ADRA1B: variants seen among roughly 807,000 people sequenced by gnomAD.
ADRA1B encodes the protein adrenoceptor alpha 1B.
In ADRA1B, 17 loss-of-function variants were observed where a neutral mutation model predicts 17.9. The observed-to-expected ratio is 0.95, with a 90% CI of 0.65 to 1.42. The LOEUF (loss-of-function observed/expected upper bound fraction) is 1.42, where lower values mean the gene tolerates loss of function less well. Among genes scored for constraint, ADRA1B ranks in the 40% most tolerant of loss-of-function variants. The pLI is 0.00. For missense variants in ADRA1B, 681 were observed against 722.1 expected, an observed-to-expected ratio of 0.94 and a Z score of 0.65; for synonymous variants, 366 against 327.6, an observed-to-expected ratio of 1.12 and a Z score of -1.27.
At chr5:159,969,475 A>G (rs1252646193) in intron 1 of ADRA1B, among the ~76,000 whole-genome samples, 1 of 152,236 alleles carries the variant, frequency 6.6e-6, no homozygotes, top group Non-Finnish European at 1.5e-5. Flanking sequence ...AAAGATGGGA[A>G]TCCTTGTGGC....
rs1429458895 is a variant in ADRA1B at position 159,917,606 on chromosome 5, C to A, written c.701C>A (p.Thr234Asn). The change falls in exon 1 of 2, where the codon ACC (threonine) becomes AAC (asparagine). Residue 234 changes from threonine (T) to asparagine (N), a missense_variant. Thr to Asn is a moderately conservative substitution (Grantham distance 65, BLOSUM62 0). Coordinates refer to ENST00000306675, the MANE Select transcript of ADRA1B (RefSeq NM_000679.4). ...CRVYIVAKRT[T>N]KNLEAGVMKE... is the part of the protein sequence containing the mutation. ...GTCTATATAGTGGCCAAGAGAACCACCAAGAACCTAGAGGCAGGAGTCATG... is the reference window on the plus strand; with the variant it reads ...GTCTATATAGTGGCCAAGAGAACCAACAAGAACCTAGAGGCAGGAGTCATG... 1.2e-6 allele frequency: 2 copies of A among 1,613,986 alleles called. No individual in the cohort carries two copies. Among genetic ancestry groups the A allele is most frequent in the Non-Finnish European group, 1.7e-6 (2 of 1,180,026 alleles).
rs930717754 is a variant in ADRA1B, at chr5:159,972,587, G to C, written c.*95G>C. On this transcript the variant is annotated 3_prime_UTR_variant, in exon 2 of 2. Coordinates refer to ENST00000306675, the MANE Select transcript of ADRA1B (RefSeq NM_000679.4). ...GGGGGGAGGGGAGCGTCCACGCCGG[G>C]TAGACGCGCGCCCCAAGGGGAACCG... The C allele has an allele frequency of 2.0e-6, 1 of 506,886 alleles. No homozygotes were observed. The highest frequency in any genetic ancestry group is 2.8e-6 in the Non-Finnish European group (1 of 361,846). 31.4% of individuals were successfully genotyped at this position (506,886 alleles called of 1,614,324 possible).
chr5:159,912,831 A>G (rs947294321), upstream of ADRA1B, among the ~76,000 whole-genome samples: 2 of 152,160 alleles, frequency 1.3e-5, no homozygotes, highest in Non-Finnish European at 1.5e-5. Context: ...CATAGTAGGT[A>G]CTCTCTGAAA....
At chr5:159,891,736 T>G (rs1397774781) in intron 1 of ADRA1B, among the ~76,000 whole-genome samples, 1 of 152,162 alleles carries the variant, frequency 6.6e-6, no homozygotes, top group Non-Finnish European at 1.5e-5. Flanking sequence ...AGGCCAGGCC[T>G]GACTCTGCAT....
At chr5:159,920,316 T>C (rs1230337722) in intron 1 of ADRA1B, among the ~76,000 whole-genome samples, 1 of 152,188 alleles carries the variant, frequency 6.6e-6, no homozygotes, top group African/African-American at 2.4e-5. Context: ...GGCTTCTCTC[T>C]GGGTCTTGCT....
chr5:159,953,251 T>C (rs191775524), intron 1 of ADRA1B, among the ~76,000 whole-genome samples: 4 of 152,146 alleles, frequency 2.6e-5, no homozygotes, highest in African/African-American at 4.8e-5. Context: ...TCCCAGCTAC[T>C]CAGCAGACTG....
intron 1 of ADRA1B, among the ~76,000 whole-genome samples, chr5:159,945,246 G>A (rs1243568882): frequency 1.3e-5 from 2 of 152,136 alleles, no homozygotes; most frequent in Non-Finnish European, 2.9e-5. Flanking sequence ...ACAGTGGCAC[G>A]AAGGCTGAGG....
chr5:159,950,016 G>A (rs1005713113), intron 1 of ADRA1B, among the ~76,000 whole-genome samples: 1 of 152,150 alleles, frequency 6.6e-6, no homozygotes, highest in African/African-American at 2.4e-5. Flanking sequence ...CCAGGGCCTC[G>A]CCTGTCCATC....
chr5:159,932,170 T>C (rs1344127684), intron 1 of ADRA1B, among the ~76,000 whole-genome samples: 1 of 152,138 alleles, frequency 6.6e-6, no homozygotes, highest in East Asian at 1.9e-4. Context: ...TTTTTGTTTT[T>C]AAAGACGGAG....
chr5:159,925,919 G>A (rs144874714), intron 1 of ADRA1B, among the ~76,000 whole-genome samples: 21 of 152,308 alleles, frequency 1.4e-4, no homozygotes, highest in African/African-American at 3.4e-4. Flanking sequence ...TGCTCAGGTC[G>A]TGTAGGGTCC....
intron 1 of ADRA1B, among the ~76,000 whole-genome samples, chr5:159,942,987 G>A (rs1230733919): frequency 1.3e-5 from 2 of 152,100 alleles, no homozygotes; most frequent in East Asian, 3.9e-4. Context: ...CAAGGTGGGA[G>A]GATCACCTGA....
chr5:159,922,014 C>T (rs1754497289), intron 1 of ADRA1B, among the ~76,000 whole-genome samples: 1 of 152,214 alleles, frequency 6.6e-6, no homozygotes, highest in Admixed American at 6.5e-5. Context: ...GAGGGAAATC[C>T]TACTAAAGTA....
At chr5:159,892,739 G>A (rs1753998456) in intron 1 of ADRA1B, among the ~76,000 whole-genome samples, 1 of 152,144 alleles carries the variant, frequency 6.6e-6, no homozygotes, top group Non-Finnish European at 1.5e-5. Flanking sequence ...TATCATTGAT[G>A]GGCATTTAGG....
At chr5:159,896,583 C>A (rs1754043351) in intron 1 of ADRA1B, among the ~76,000 whole-genome samples, 1 of 152,172 alleles carries the variant, frequency 6.6e-6, no homozygotes, top group African/African-American at 2.4e-5. Flanking sequence ...GCACAGGTAT[C>A]CCGTATTTCT....
chr5:159,957,081 A>C (rs554925620), intron 1 of ADRA1B, among the ~76,000 whole-genome samples: 6 of 152,238 alleles, frequency 3.9e-5, no homozygotes, highest in African/African-American at 1.4e-4. Context: ...CATGTTGGCC[A>C]GGCTGGACTC....
chr5:159,981,016 T>C, the ADRA1B span, among the ~76,000 whole-genome samples: 2 of 152,118 alleles, frequency 1.3e-5, no homozygotes, highest in Non-Finnish European at 2.9e-5. Flanking sequence ...TGAGCAAATG[T>C]TGGGGGCAAA....
chr5:159,900,901 T>C (rs1373455885), intron 1 of ADRA1B, among the ~76,000 whole-genome samples: 1 of 152,150 alleles, frequency 6.6e-6, no homozygotes, highest in Non-Finnish European at 1.5e-5. Context: ...AATTCCACCA[T>C]GATGGTCACA....
At chr5:159,915,837 G>C (rs758120420), upstream of ADRA1B, among the ~76,000 whole-genome samples, 2 of 152,098 alleles carry the variant, frequency 1.3e-5, no homozygotes, top group Non-Finnish European at 2.9e-5. Flanking sequence ...GTCTTCTGTC[G>C]GGAGAAGCTA....
intron 1 of ADRA1B, among the ~76,000 whole-genome samples, chr5:159,947,524 A>C (rs1233188931): frequency 6.6e-6 from 1 of 152,064 alleles, no homozygotes; most frequent in Non-Finnish European, 1.5e-5. Flanking sequence ...ATCTGCATGA[A>C]ATAGATTGAA....
Sources: allele counts gnomAD v4.1 joint callset (sites outside exome capture counted in the v4.1 genomes callset), GRCh38; gene constraint gnomAD v4.1.1; transcripts MANE v1.5; gene names NCBI Gene and HGNC (gene_info 2026-07-23, HGNC 2026-07-21).